RASA2: variants seen among roughly 807,000 people sequenced by gnomAD.
The protein encoded by RASA2 is RAS p21 protein activator 2, also known as ras GTPase-activating protein 2.
RASA2 carries 155 observed loss-of-function variants against 118.2 expected under a neutral mutation model. The ratio of observed to expected loss-of-function variants is 1.31; its 90% confidence interval spans 1.15 to 1.50. RASA2 has a LOEUF of 1.50. Ranked by LOEUF, RASA2 falls within the 40% of genes most tolerant of loss-of-function variation. RASA2 has a pLI of 0.00. For synonymous variants in RASA2, 353 were observed against 349.1 expected (o/e 1.01, Z -0.12); for missense variants, 1,016 against 1,009.6 (o/e 1.01, Z -0.09).
intron 1 of RASA2, among the ~76,000 whole-genome samples, chr3:141,491,359 G>A (rs186725120): frequency 1.7e-3 from 265 of 152,212 alleles, no homozygotes; most frequent in Non-Finnish European, 3.2e-3. Context: ...CTGCTGCTGG[G>A]GAACACAATT....
intron 4 of RASA2, among the ~76,000 whole-genome samples, chr3:141,535,320 T>G (rs1424751752): frequency 6.6e-6 from 1 of 152,222 alleles, no homozygotes; most frequent in Non-Finnish European, 1.5e-5. Flanking sequence ...TGAAGTGGTC[T>G]GGACCCTTAG....
intron 9 of RASA2, among the ~76,000 whole-genome samples, chr3:141,565,755 G>A (rs1052302087): frequency 3.3e-5 from 5 of 152,190 alleles, no homozygotes; most frequent in Non-Finnish European, 5.9e-5. Context: ...TGTATTAGCA[G>A]CATAAGGACA....
At chr3:141,611,358 C>T (rs1181448817) in intron 23 of RASA2, among the ~76,000 whole-genome samples, 2 of 152,106 alleles carry the variant, frequency 1.3e-5, no homozygotes, top group Admixed American at 6.6e-5. Flanking sequence ...CTGTTTTCTC[C>T]GTACTAGGAG....
In RASA2 at chr3:141,508,022, C is replaced by T. The variant is rs185034725; in HGVS notation, c.134-4141C>T. Among the ~76,000 whole-genome samples, 623 of 152,122 alleles carry T rather than the reference C, an allele frequency of 4.1e-3. 5 individuals carry two copies. Among genetic ancestry groups the T allele is most frequent in the African/African-American group, 0.014 (592 of 41,462 alleles). ...CTCCTTAAGGCTGGCTGTCATTAAA[C>T]GGGCTATAGATAAGTTGAGAAAGTT... On this transcript the variant is annotated intron_variant, in intron 1 of 23. Coordinates refer to ENST00000286364, the MANE Select transcript of RASA2 (RefSeq NM_006506.5).
At chr3:141,546,083 A>G (rs867548752) in intron 5 of RASA2, among the ~76,000 whole-genome samples, 2 of 152,106 alleles carry the variant, frequency 1.3e-5, no homozygotes, top group African/African-American at 4.8e-5. Context: ...TATATACCAC[A>G]TTTTCTTTAT....
chr3:141,487,778 G>C (rs550781045), intron 1 of RASA2, among the ~76,000 whole-genome samples: 6 of 152,116 alleles, frequency 3.9e-5, no homozygotes, highest in Non-Finnish European at 8.8e-5. Context: ...TGAGCTGCAG[G>C]AAACGGGCCG....
intron 19 of RASA2, among the ~76,000 whole-genome samples, chr3:141,605,014 A>G (rs758623676): frequency 2.0e-5 from 3 of 152,064 alleles, no homozygotes; most frequent in Non-Finnish European, 2.9e-5. Flanking sequence ...AACATACTCC[A>G]TTGTTTACTA....
At chr3:141,503,092 T>A (rs2081808699) in intron 1 of RASA2, among the ~76,000 whole-genome samples, 1 of 152,206 alleles carries the variant, frequency 6.6e-6, no homozygotes, top group Admixed American at 6.5e-5. Flanking sequence ...ACCGATCAAA[T>A]GAAACATTTG....
At position 141,573,188 on chromosome 3, in the gene RASA2, ATT is replaced by A; in HGVS notation, c.1327_1328del (p.Leu443GlufsTer5). On this transcript the variant is annotated frameshift_variant, in exon 13 of 24. Coordinates refer to ENST00000286364, the MANE Select transcript of RASA2 (RefSeq NM_006506.5). LOFTEE classifies it high-confidence loss of function. ...AATCCTGTGAAATCGATCCTATTAA[ATT>A]GAAAGAGGGAGATAATGTAGAAAAT... Reference protein sequence around the residue: ...SKSCEIDPIKLKEGDNVENNK... With the variant: ...SKSCEIDPIKXKEGDNVENNK... 1 of 1,542,966 alleles carries A rather than the reference ATT, an allele frequency of 6.5e-7. No individual in the cohort carries two copies. The highest frequency in any genetic ancestry group is 8.7e-7 in the Non-Finnish European group (1 of 1,155,390).
chr3:141,517,343 T>C (rs186290442), intron 3 of RASA2, among the ~76,000 whole-genome samples: 1 of 152,338 alleles, frequency 6.6e-6, no homozygotes. Context: ...ATAGGTTTAT[T>C]GGCTCACAGT....
chr3:141,593,631 C>G (rs866931214), intron 19 of RASA2, among the ~76,000 whole-genome samples: 1 of 152,148 alleles, frequency 6.6e-6, no homozygotes, highest in Non-Finnish European at 1.5e-5. Flanking sequence ...AAAAGATGAG[C>G]AGAGACTTCA....
intron 4 of RASA2, among the ~76,000 whole-genome samples, chr3:141,538,582 A>T (rs1296914924): frequency 6.6e-6 from 1 of 152,200 alleles, no homozygotes; most frequent in Middle Eastern, 3.2e-3. Flanking sequence ...TCCTTGTTAA[A>T]GTATATAATG....
intron 5 of RASA2, among the ~76,000 whole-genome samples, chr3:141,541,340 T>C (rs2151102816): frequency 6.6e-6 from 1 of 152,304 alleles, no homozygotes; most frequent in South Asian, 2.1e-4. Flanking sequence ...TGCTCCAGAC[T>C]GTAACTTATT....
At chr3:141,545,461 C>CT (rs35655653) in intron 5 of RASA2, among the ~76,000 whole-genome samples, 24,798 of 113,154 alleles carry the variant, frequency 0.22, 3,959 homozygotes, top group Non-Finnish European at 0.3. Context: ...GTACTACATA[C>CT]TTTTTTTTTT....
intron 8 of RASA2, 92 bp from the exon 9 acceptor site, chr3:141,559,802 G>A (rs2151118929): frequency 3.9e-6 from 4 of 1,015,750 alleles, no homozygotes; most frequent in Non-Finnish European, 6.0e-6. Flanking sequence ...AATTAATGCT[G>A]TAATACAGAT....
intron 1 of RASA2, among the ~76,000 whole-genome samples, chr3:141,508,451 C>A (rs557140385): frequency 1.4e-3 from 220 of 151,930 alleles, no homozygotes; most frequent in Middle Eastern, 6.8e-3. Context: ...AGTGGCAGCT[C>A]ACTGCAACTC....
At chr3:141,535,982 G>C (rs1274330874) in intron 4 of RASA2, among the ~76,000 whole-genome samples, 2 of 152,040 alleles carry the variant, frequency 1.3e-5, no homozygotes, top group Admixed American at 1.3e-4. Flanking sequence ...CTTCTATATG[G>C]TACCAAGAAT....
chr3:141,586,102 A>G lies in RASA2; in HGVS notation c.1826+4A>G. 3 of 1,588,880 alleles carry G rather than the reference A, an allele frequency of 1.9e-6. No individual in the cohort carries two copies. The highest frequency in any genetic ancestry group is 2.6e-6 in the Non-Finnish European group (3 of 1,157,756). ...AGCCTGTGCACCTGAAAGAAGGGTA[A>G]TTTAATCAAATTAGACGTGAAAGTC... On this transcript the variant is annotated splice_donor_region_variant and intron_variant, in intron 18 of 23. Transcript: ENST00000286364.
At chr3:141,549,787 G>A (rs1011159410) in intron 5 of RASA2, among the ~76,000 whole-genome samples, 8 of 151,984 alleles carry the variant, frequency 5.3e-5, no homozygotes, top group Non-Finnish European at 1.5e-5. Flanking sequence ...ACTTGGGCAG[G>A]GAAAATATGA....
Sources: gnomAD v4.1 joint callset for allele counts (sites outside exome capture counted in the v4.1 genomes callset) on GRCh38, gnomAD v4.1.1 for gene constraint, MANE v1.5 for transcripts, NCBI Gene and HGNC (gene_info 2026-07-23, HGNC 2026-07-21) for gene names.